Variants in MECOM observed in about 807,000 individuals in gnomAD.
MECOM encodes the protein histone-lysine N-methyltransferase MECOM.
MECOM carries 13 observed loss-of-function variants against 116.3 expected under a neutral mutation model. The ratio of observed to expected loss-of-function variants is 0.11; its 90% CI spans 0.07 to 0.18. The LOEUF is 0.18. Ranked by LOEUF, MECOM falls within the 10% of genes least tolerant of loss-of-function variation. MECOM has a pLI of 1.00. For missense variants in MECOM, 1,299 were observed against 1,509.0 expected (o/e 0.86, Z 2.31); for synonymous variants, 528 against 535.2 (o/e 0.99, Z 0.19).
At chr3:169,394,284 G>T (rs1322339724) in intron 1 of MECOM, among the ~76,000 whole-genome samples, 1 of 152,158 alleles carries the variant, frequency 6.6e-6, no homozygotes, top group Non-Finnish European at 1.5e-5. Context: ...TGAAATTGCT[G>T]ATTTCAAAGG....
chr3:169,324,247 A>T (rs1400352616), intron 2 of MECOM, among the ~76,000 whole-genome samples: 3 of 152,196 alleles, frequency 2.0e-5, no homozygotes, highest in Non-Finnish European at 4.4e-5. Flanking sequence ...TATTGTCCCC[A>T]GTTTACTGAT....
intron 1 of MECOM, among the ~76,000 whole-genome samples, chr3:169,548,412 AT>A (rs2109283920): frequency 6.6e-6 from 1 of 152,342 alleles, no homozygotes; most frequent in East Asian, 1.9e-4. Context: ...AGCAGCAGTC[AT>A]AATTGGTTGG....
Position 169,127,816 on chromosome 3 carries a change from T to C in MECOM, c.830+28A>G, listed in dbSNP as rs373209807. On this transcript the variant is annotated intron_variant, in intron 5 of 16. Coordinates refer to ENST00000651503, the MANE Select transcript of MECOM (RefSeq NM_004991.4). ...TAACATTGCAGAAAAAATACACAAG[T>C]TGTATGGTACAACATGCCATTTCTA... 2.8e-5 allele frequency: 44 copies of C among 1,590,898 alleles called. No homozygotes were observed. The African/African-American group carries it at 5.4e-4, about 19-fold the overall frequency.
At chr3:169,128,153 A>G (rs891928609) in intron 4 of MECOM, 93 bp from the exon 5 acceptor site, 2 of 1,009,722 alleles carry the variant, frequency 2.0e-6, no homozygotes, top group African/African-American at 3.2e-5. Flanking sequence ...CATAATAGGT[A>G]TTATTTGATT....
At chr3:169,453,764 T>G (rs1032451549) in intron 1 of MECOM, among the ~76,000 whole-genome samples, 2 of 152,196 alleles carry the variant, frequency 1.3e-5, no homozygotes, top group African/African-American at 4.8e-5. Context: ...GGTTTCACAG[T>G]GCCAAACTAT....
intron 1 of MECOM, among the ~76,000 whole-genome samples, chr3:169,592,782 G>A (rs1766586975): frequency 6.6e-6 from 1 of 152,024 alleles, no homozygotes; most frequent in Non-Finnish European, 1.5e-5. Flanking sequence ...CCAAACAGCT[G>A]CCAGCATTTT....
chr3:169,493,576 CAT>C (rs57415812), intron 1 of MECOM, among the ~76,000 whole-genome samples: 4,144 of 150,666 alleles, frequency 0.028, 68 homozygotes, highest in African/African-American at 0.035. Flanking sequence ...CATATGTATA[CAT>C]ATATATATAT....
intron 2 of MECOM, among the ~76,000 whole-genome samples, chr3:169,237,738 T>TA (rs1181835682): frequency 2.0e-5 from 3 of 151,820 alleles, no homozygotes; most frequent in African/African-American, 7.3e-5. Context: ...AGCAAAAATC[T>TA]AAAGTAAATA....
intron 3 of MECOM, among the ~76,000 whole-genome samples, chr3:169,137,820 C>G (rs1323785020): frequency 6.6e-6 from 1 of 151,968 alleles, no homozygotes; most frequent in Non-Finnish European, 1.5e-5. Context: ...ATAAATACGG[C>G]AATTGATAAA....
intron 1 of MECOM, among the ~76,000 whole-genome samples, chr3:169,548,060 T>G (rs1760942449): frequency 6.6e-6 from 1 of 152,196 alleles, no homozygotes; most frequent in Non-Finnish European, 1.5e-5. Flanking sequence ...CCCAATTTCA[T>G]TATCTTTTCC....
intron 3 of MECOM, chr3:169,133,962 C>A: frequency 7.8e-7 from 1 of 1,289,454 alleles, no homozygotes; most frequent in South Asian, 1.2e-5. Context: ...TCCTTTCCAA[C>A]AACATGTTGA....
At chr3:169,142,385 A>G (rs896059450) in intron 3 of MECOM, among the ~76,000 whole-genome samples, 1 of 151,966 alleles carries the variant, frequency 6.6e-6, no homozygotes, top group Non-Finnish European at 1.5e-5. Context: ...TGTAAGGAGT[A>G]TAACATTAAT....
intron 2 of MECOM, among the ~76,000 whole-genome samples, chr3:169,351,694 T>TAA (rs2149807281): frequency 1.3e-5 from 2 of 152,016 alleles, no homozygotes; most frequent in South Asian, 4.1e-4. Context: ...TTTGAATCTT[T>TAA]GACCATCCCC....
At chr3:169,451,332 G>C (rs1294717286) in intron 1 of MECOM, among the ~76,000 whole-genome samples, 1 of 151,134 alleles carries the variant, frequency 6.6e-6, no homozygotes, top group Non-Finnish European at 1.5e-5. Context: ...GTAAAGAAAA[G>C]TCTTATACAT....
intron 2 of MECOM, among the ~76,000 whole-genome samples, chr3:169,314,695 G>A (rs1015776703): frequency 3.3e-5 from 5 of 152,044 alleles, no homozygotes; most frequent in African/African-American, 1.2e-4. Context: ...AGGGGAACTA[G>A]GGAAGAGTAA....
chr3:169,449,599 A>G (rs1017873646), intron 1 of MECOM, among the ~76,000 whole-genome samples: 9 of 152,172 alleles, frequency 5.9e-5, no homozygotes, highest in African/African-American at 2.2e-4. Flanking sequence ...AAATAAGATA[A>G]TCAATCAAGC....
intron 2 of MECOM, among the ~76,000 whole-genome samples, chr3:169,217,088 G>A (rs556396880): frequency 6.6e-6 from 1 of 152,242 alleles, no homozygotes; most frequent in South Asian, 2.1e-4. Flanking sequence ...ACAGGAGGGT[G>A]GATGATCCGC....
rs867918249 is a variant in MECOM at position 169,528,545 on chromosome 3, T to A, written c.37+134791A>T. ...CAAGTTTCAAAACATAATATTTTTTTAAAAAGGAGTATTCTCACATTCTTT... is the reference window on the plus strand; with the variant it reads ...CAAGTTTCAAAACATAATATTTTTTAAAAAAGGAGTATTCTCACATTCTTT... On this transcript the variant is annotated intron_variant, in intron 1 of 16. Coordinates refer to ENST00000651503, the MANE Select transcript of MECOM (RefSeq NM_004991.4). Among the ~76,000 whole-genome samples the A allele has an allele frequency of 5.3e-5, 8 of 152,204 alleles. No individual in the cohort carries two copies. The South Asian group carries it at 8.3e-4, about 16-fold the overall frequency.
chr3:169,148,606 C>G (rs1036076595), intron 2 of MECOM, among the ~76,000 whole-genome samples: 1 of 152,066 alleles, frequency 6.6e-6, no homozygotes, highest in Non-Finnish European at 1.5e-5. Flanking sequence ...GCAAAGTAAG[C>G]GAGTCTAGGG....
Sources: gnomAD v4.1 joint callset for allele counts (sites outside exome capture counted in the v4.1 genomes callset) on GRCh38, gnomAD v4.1.1 for gene constraint, MANE v1.5 for transcripts, NCBI Gene and HGNC (gene_info 2026-07-23, HGNC 2026-07-21) for gene names.